Variants in CCDC178 observed in about 807,000 individuals in gnomAD.
CCDC178 encodes coiled-coil domain-containing protein 178.
CCDC178 carries 126 observed loss-of-function variants against 117.4 expected under a neutral mutation model. The ratio of observed to expected loss-of-function variants is 1.07; its 90% CI spans 0.93 to 1.24. The LOEUF is 1.24. Ranked by LOEUF, CCDC178 falls within the 50% of genes most tolerant of loss-of-function variation. The pLI is 0.00. For synonymous variants in CCDC178, 283 were observed against 313.4 expected, an observed-to-expected ratio of 0.90 and a Z score of 1.02; for missense variants, 1,030 against 986.9, an observed-to-expected ratio of 1.04 and a Z score of -0.59.
At chr18:33,407,030 G>A (rs1312026669) in intron 3 of CCDC178, among the ~76,000 whole-genome samples, 2 of 152,116 alleles carry the variant, frequency 1.3e-5, no homozygotes, top group Non-Finnish European at 2.9e-5. Context: ...AAATGGAGCT[G>A]TTTCATGACT....
intron 11 of CCDC178, among the ~76,000 whole-genome samples, chr18:33,294,538 C>A (rs1429832112): frequency 4.0e-5 from 6 of 151,714 alleles, no homozygotes; most frequent in Non-Finnish European, 5.9e-5. Context: ...ACCCTGATTC[C>A]AGCAGCATAG....
intron 21 of CCDC178, among the ~76,000 whole-genome samples, chr18:33,021,739 C>CTT (rs10652056): frequency 0.15 from 23,133 of 152,072 alleles, 2,604 homozygotes; most frequent in African/African-American, 0.32. Context: ...TTCCCAGTGA[C>CTT]TGACATTTCT....
At chr18:33,074,656 G>C (rs1230752635) in intron 21 of CCDC178, among the ~76,000 whole-genome samples, 1 of 152,140 alleles carries the variant, frequency 6.6e-6, no homozygotes, top group African/African-American at 2.4e-5. Flanking sequence ...AAGTCATGGT[G>C]TCATGGCTAA....
At chr18:32,985,689 G>T (rs1225181403) in intron 21 of CCDC178, among the ~76,000 whole-genome samples, 1 of 151,858 alleles carries the variant, frequency 6.6e-6, no homozygotes, top group African/African-American at 2.4e-5. Flanking sequence ...GATACTCAAA[G>T]AATCTAAAAA....
chr18:33,163,525 C>G (rs1335329251), intron 20 of CCDC178, among the ~76,000 whole-genome samples: 1 of 152,072 alleles, frequency 6.6e-6, no homozygotes, highest in Non-Finnish European at 1.5e-5. Context: ...TACTTATCAG[C>G]TATTACTAAA....
At chr18:33,150,083 C>A (rs1346825614) in intron 20 of CCDC178, among the ~76,000 whole-genome samples, 1 of 152,006 alleles carries the variant, frequency 6.6e-6, no homozygotes, top group Non-Finnish European at 1.5e-5. Flanking sequence ...AGAAATAAAG[C>A]CGAATACTTA....
At chr18:33,233,010 T>C (rs1363766233) in intron 15 of CCDC178, among the ~76,000 whole-genome samples, 4 of 152,200 alleles carry the variant, frequency 2.6e-5, no homozygotes, top group African/African-American at 9.6e-5. Flanking sequence ...ATTCATGGTT[T>C]CCATAAATAT....
intron 22 of CCDC178, among the ~76,000 whole-genome samples, chr18:32,972,915 A>G (rs1039985614): frequency 6.6e-6 from 1 of 152,102 alleles, no homozygotes; most frequent in African/African-American, 2.4e-5. Context: ...AATGGAAGCC[A>G]TCTCCAATAG....
chr18:33,244,491 T>G (rs1024479343), intron 15 of CCDC178, among the ~76,000 whole-genome samples: 1 of 151,884 alleles, frequency 6.6e-6, no homozygotes, highest in African/African-American at 2.4e-5. Context: ...GCTATTCTCA[T>G]GATAGTGAGT....
intron 20 of CCDC178, among the ~76,000 whole-genome samples, chr18:33,192,928 A>G (rs527724362): frequency 1.3e-5 from 2 of 149,042 alleles, no homozygotes; most frequent in East Asian, 4.0e-4. Context: ...AAAAGAAGAA[A>G]AAATTCTCTC....
At chr18:33,270,491 A>G (rs768622916) in intron 12 of CCDC178, among the ~76,000 whole-genome samples, 7 of 151,662 alleles carry the variant, frequency 4.6e-5, no homozygotes, top group Non-Finnish European at 8.9e-5. Flanking sequence ...CCTGGAAGCA[A>G]CAAGAGAAAA....
intron 20 of CCDC178, among the ~76,000 whole-genome samples, chr18:33,165,196 C>CAA (rs368725334): frequency 2.0e-5 from 3 of 149,920 alleles, no homozygotes; most frequent in African/African-American, 7.4e-5. Context: ...AAAACAAAGA[C>CAA]AAAAAAAAAC....
At chr18:33,376,848 A>T (rs1355206668) in intron 5 of CCDC178, among the ~76,000 whole-genome samples, 1 of 152,048 alleles carries the variant, frequency 6.6e-6, no homozygotes, top group African/African-American at 2.4e-5. Context: ...TATCCAATCC[A>T]CCATTGATGG....
At chr18:33,372,565 G>A (rs879405176) in intron 5 of CCDC178, among the ~76,000 whole-genome samples, 15 of 152,044 alleles carry the variant, frequency 9.9e-5, no homozygotes, top group Non-Finnish European at 1.5e-4. Flanking sequence ...TAAGCTCGGC[G>A]AGACTTTCAT....
chr18:33,357,086 C>G (rs2063067662), intron 6 of CCDC178, among the ~76,000 whole-genome samples: 1 of 151,978 alleles, frequency 6.6e-6, no homozygotes, highest in Admixed American at 6.6e-5. Context: ...CTGAATTCAC[C>G]TATGACCTGG....
At chr18:33,013,407 A>G (rs1273083202) in intron 21 of CCDC178, among the ~76,000 whole-genome samples, 1 of 152,194 alleles carries the variant, frequency 6.6e-6, no homozygotes, top group Non-Finnish European at 1.5e-5. Context: ...GGTGAAGAAA[A>G]TAAAAGTAAA....
chr18:33,189,532 T>C (rs958561860), intron 20 of CCDC178, among the ~76,000 whole-genome samples: 1 of 152,326 alleles, frequency 6.6e-6, no homozygotes, highest in South Asian at 2.1e-4. Context: ...TCTTGGTATT[T>C]ACATTACAGG....
Position 33,346,273 on chromosome 18 carries a change from T to A in CCDC178, c.596A>T (p.Asn199Ile), listed in dbSNP as rs766312866. 1.2e-6 allele frequency: 2 copies of A among 1,613,538 alleles called. No homozygotes were observed. The highest frequency in any genetic ancestry group is 1.7e-6 in the Non-Finnish European group (2 of 1,179,568). Residue 199 changes from asparagine to isoleucine, a missense_variant, in exon 9 of 23, where the codon AAC (asparagine) becomes ATC (isoleucine). Transcript: ENST00000383096. ...KQQRSRKNMINMKIDSWSVWK... is the reference protein window; with the variant it reads ...KQQRSRKNMIIMKIDSWSVWK... The stretch of plus-strand genomic sequence containing the variant: ...GACTGACCAAGAGTCAATTTTCATG[T>A]TAATCATATTCTTTCTTGATCTCTG...
At chr18:33,396,352 A>C (rs925998278) in intron 4 of CCDC178, among the ~76,000 whole-genome samples, 1 of 152,158 alleles carries the variant, frequency 6.6e-6, no homozygotes, top group Non-Finnish European at 1.5e-5. Context: ...CTGTTATGTC[A>C]CTGTAAATTC....
Sources: allele counts gnomAD v4.1 joint callset (sites outside exome capture counted in the v4.1 genomes callset), GRCh38; gene constraint gnomAD v4.1.1; transcripts MANE v1.5; gene names NCBI Gene and HGNC (gene_info 2026-07-23, HGNC 2026-07-21).